The following CBFA2T3 variants were observed in gnomAD, a reference collection of about 807,000 sequenced individuals.
The protein encoded by CBFA2T3 is transcriptional corepressor CBFA2T3.
In CBFA2T3, 31 loss-of-function variants were observed where a neutral mutation model predicts 58.6. The ratio of observed to expected loss-of-function variants is 0.53; its 90% CI spans 0.40 to 0.71. The LOEUF (loss-of-function observed/expected upper bound fraction) is 0.71. Ranked by LOEUF, CBFA2T3 falls within the 30% of genes least tolerant of loss-of-function variation. The probability of loss-of-function intolerance (pLI) is 0.00; values close to 1 mark genes in which losing one functional copy is unlikely to be tolerated. For missense variants in CBFA2T3, 1,076 were observed against 963.1 expected (o/e 1.12, Z -1.55); for synonymous variants, 531 against 421.9 (o/e 1.26, Z -3.17).
At chr16:88,897,060 A>G (rs1180973074) in intron 3 of CBFA2T3, among the ~76,000 whole-genome samples, 1 of 152,212 alleles carries the variant, frequency 6.6e-6, no homozygotes, top group Non-Finnish European at 1.5e-5. Flanking sequence ...CCAGCCTCAG[A>G]GCCTTGGTGG....
chr16:88,967,397 C>T (rs555829452), intron 1 of CBFA2T3, among the ~76,000 whole-genome samples: 3 of 152,132 alleles, frequency 2.0e-5, no homozygotes, highest in South Asian at 2.1e-4. Flanking sequence ...TGCCTGGGGA[C>T]GGCTTTCCAC....
intron 1 of CBFA2T3, among the ~76,000 whole-genome samples, chr16:88,943,855 A>T (rs1228570469): frequency 6.6e-6 from 1 of 152,146 alleles, no homozygotes; most frequent in Non-Finnish European, 1.5e-5. Flanking sequence ...TATGTGAAAG[A>T]TGTCTGCAGT....
chr16:88,931,430 G>A (rs368209255), intron 1 of CBFA2T3, among the ~76,000 whole-genome samples: 10 of 152,092 alleles, frequency 6.6e-5, no homozygotes, highest in African/African-American at 2.4e-4. Flanking sequence ...CACAAGGACC[G>A]GTCTGTGGCA....
chr16:88,926,965 G>A (rs1436962647), intron 1 of CBFA2T3, among the ~76,000 whole-genome samples: 1 of 152,104 alleles, frequency 6.6e-6, no homozygotes, highest in African/African-American at 2.4e-5. Flanking sequence ...TGGTCCTGGA[G>A]GTGGCGGCAC....
chr16:88,942,177 C>A (rs541126304), intron 1 of CBFA2T3, among the ~76,000 whole-genome samples: 1 of 152,178 alleles, frequency 6.6e-6, no homozygotes, highest in East Asian at 1.9e-4. Flanking sequence ...TGCCGGCAGG[C>A]CCCCTCCCCC....
rs1165495015 is a variant in CBFA2T3 at position 88,876,701 on chromosome 16, G to A, written c.*275C>T. On this transcript the variant is annotated 3_prime_UTR_variant, in exon 12 of 12. Coordinates refer to ENST00000268679, the MANE Select transcript of CBFA2T3 (RefSeq NM_005187.6). ...GCTCTGCTGTCTAAAGCTCAGTCGA[G>A]GCTTCTGAGGATGCTTGAAGAGACG... The A allele has an allele frequency of 2.4e-6, 1 of 419,326 alleles. No individual in the cohort carries two copies. The highest frequency in any genetic ancestry group is 2.1e-5 in the African/African-American group (1 of 48,480). 26.0% of individuals were successfully genotyped at this position (419,326 alleles called of 1,614,324 possible).
chr16:88,881,850 G>C (rs1414110283), intron 8 of CBFA2T3, among the ~76,000 whole-genome samples: 1 of 152,374 alleles, frequency 6.6e-6, no homozygotes. Flanking sequence ...ACAGTGCTGG[G>C]AGGGGTGCTG....
chr16:88,973,912 C>T (rs952780331), intron 1 of CBFA2T3, among the ~76,000 whole-genome samples: 17 of 152,096 alleles, frequency 1.1e-4, no homozygotes, highest in Non-Finnish European at 2.2e-4. Context: ...TAACATCTCC[C>T]GCCTTGCCCG....
chr16:88,916,324 G>A (rs1012263803), intron 1 of CBFA2T3, among the ~76,000 whole-genome samples: 2 of 149,854 alleles, frequency 1.3e-5, no homozygotes, highest in African/African-American at 2.5e-5. Flanking sequence ...GTATTCATGC[G>A]TGTATTCATG....
intron 1 of CBFA2T3, among the ~76,000 whole-genome samples, chr16:88,948,370 T>A (rs1172162159): frequency 6.6e-6 from 1 of 152,170 alleles, no homozygotes; most frequent in Non-Finnish European, 1.5e-5. Flanking sequence ...TGGTCTTTCT[T>A]GGGGAACTGG....
chr16:88,888,571 G>A (rs1597672638), intron 5 of CBFA2T3, among the ~76,000 whole-genome samples: 1 of 64,886 alleles, frequency 1.5e-5, no homozygotes, highest in Admixed American at 1.4e-4. Context: ...GGTGGGGTGG[G>A]GTGGGAGGGG....
chr16:88,907,227 T>C (rs1017114367), intron 1 of CBFA2T3, among the ~76,000 whole-genome samples: 1 of 152,164 alleles, frequency 6.6e-6, no homozygotes, highest in Non-Finnish European at 1.5e-5. Context: ...GCATGGAATT[T>C]GGGGAGGGCT....
At chr16:88,894,713 TGA>T (rs1235541779) in intron 3 of CBFA2T3, among the ~76,000 whole-genome samples, 62 of 152,324 alleles carry the variant, frequency 4.1e-4, no homozygotes, top group Non-Finnish European at 5.6e-4. Flanking sequence ...TCACCCGTGC[TGA>T]GAGTGTGGGT....
intron 1 of CBFA2T3, chr16:88,951,287 T>C (rs748010868): frequency 2.4e-5 from 11 of 450,402 alleles, no homozygotes; most frequent in African/African-American, 1.0e-4. Context: ...TCCCCTGGAC[T>C]GGCACCAGCA....
Position 88,876,851 on chromosome 16 carries a change from C to T in CBFA2T3, c.*125G>A. The T allele has an allele frequency of 1.3e-6, 1 of 753,738 alleles. No individual in the cohort carries two copies. Among genetic ancestry groups the T allele is most frequent in the East Asian group, 3.3e-5 (1 of 30,522 alleles). The allele number at this position is 753,738 out of a possible 1,614,324, so 46.7% of individuals were successfully genotyped here. Reference sequence around the variant, plus strand: ...CAGCAGTGACTAATTGGTCGGCTCCCCCAGGTCAGGCGGGGCGCAGTGTCT... The same window carrying T: ...CAGCAGTGACTAATTGGTCGGCTCCTCCAGGTCAGGCGGGGCGCAGTGTCT... On this transcript the variant is annotated 3_prime_UTR_variant, in exon 12 of 12. Transcript: ENST00000268679.
intron 1 of CBFA2T3, among the ~76,000 whole-genome samples, chr16:88,935,029 C>T (rs995604421): frequency 2.6e-5 from 4 of 152,204 alleles, no homozygotes; most frequent in African/African-American, 7.2e-5. Context: ...CGTAAGCCAC[C>T]GTGCCTGGCC....
chr16:88,946,232 A>G (rs1383790784), intron 1 of CBFA2T3, among the ~76,000 whole-genome samples: 1 of 151,958 alleles, frequency 6.6e-6, no homozygotes, highest in Non-Finnish European at 1.5e-5. Flanking sequence ...GCTTGAACCC[A>G]GGAGGCAGAG....
chr16:88,906,517 A>G (rs1479121087), intron 1 of CBFA2T3, among the ~76,000 whole-genome samples: 1 of 152,206 alleles, frequency 6.6e-6, no homozygotes, highest in Non-Finnish European at 1.5e-5. Context: ...AATCGCACAG[A>G]GCTTCACAGT....
At chr16:88,878,489 G>A (rs1055659993) in intron 11 of CBFA2T3, among the ~76,000 whole-genome samples, 3 of 152,258 alleles carry the variant, frequency 2.0e-5, no homozygotes, top group African/African-American at 7.2e-5. Context: ...AGGCAGAAAA[G>A]GGTCGCGGAG....
Sources: gnomAD v4.1 joint callset for allele counts (sites outside exome capture counted in the v4.1 genomes callset) on GRCh38, gnomAD v4.1.1 for gene constraint, MANE v1.5 for transcripts, NCBI Gene and HGNC (gene_info 2026-07-23, HGNC 2026-07-21) for gene names.